Variants in PDE2A observed in about 807,000 individuals in gnomAD.
The protein encoded by PDE2A is phosphodiesterase 2A.
PDE2A carries 53 observed loss-of-function variants against 133.6 expected under a neutral mutation model. The observed-to-expected ratio is 0.40, with a 90% CI of 0.32 to 0.50. The LOEUF is 0.50. PDE2A is among the 20% of genes least tolerant of loss of function. The probability of loss-of-function intolerance (pLI) is 0.73; values close to 1 mark genes in which losing one functional copy is unlikely to be tolerated. For missense variants in PDE2A, 796 were observed against 1,232.4 expected (o/e 0.65, Z 5.30); for synonymous variants, 491 against 490.2 (o/e 1.00, Z -0.02).
At chr11:72,656,418 AG>A (rs1854903603) in intron 1 of PDE2A, among the ~76,000 whole-genome samples, 1 of 152,110 alleles carries the variant, frequency 6.6e-6, no homozygotes, top group Non-Finnish European at 1.5e-5. Flanking sequence ...ACTCAGCCAA[AG>A]GCTCCTGAGA....
At chr11:72,650,269 T>C (rs163692) in intron 1 of PDE2A, among the ~76,000 whole-genome samples, 117,486 of 151,908 alleles carry the variant, frequency 0.77, 46,012 homozygotes, top group Middle Eastern at 0.84. Flanking sequence ...GTGATCCATC[T>C]GCCTTGGCCT....
chr11:72,613,611 TCTC>T, intron 2 of PDE2A, among the ~76,000 whole-genome samples: 1 of 151,736 alleles, frequency 6.6e-6, no homozygotes, highest in South Asian at 2.1e-4. Flanking sequence ...TCTCATAGCT[TCTC>T]CTCCCACTCT....
chr11:72,579,153 G>T lies in PDE2A; in HGVS notation c.2356+131C>A, dbSNP rs149492914. ...AAGGGGCCAGTGCTGGGTCTGCCTG[G>T]GGGGGGCCGTGCAGCCAGAGAAGGG... On this transcript the variant is annotated intron_variant, in intron 27 of 30. Coordinates refer to ENST00000334456, the MANE Select transcript of PDE2A (RefSeq NM_002599.5). The T allele has an allele frequency of 1.8e-5, 17 of 945,912 alleles. No individual in the cohort carries two copies. In the African/African-American group the frequency reaches 1.9e-4, roughly 11 times the overall value. 58.6% of individuals were successfully genotyped at this position (945,912 alleles called of 1,614,324 possible). A position where few individuals can be genotyped will look rare whatever the true frequency, so the allele number is the denominator to read the frequency against.
chr11:72,650,885 AC>A (rs1265075386), intron 1 of PDE2A, among the ~76,000 whole-genome samples: 7 of 75,974 alleles, frequency 9.2e-5, no homozygotes, highest in Admixed American at 4.4e-4. Flanking sequence ...CTACACACAC[AC>A]ACACACACAC....
intron 2 of PDE2A, among the ~76,000 whole-genome samples, chr11:72,631,680 A>T (rs1321471894): frequency 6.6e-6 from 1 of 150,888 alleles, no homozygotes. Context: ...CTGGGATCAG[A>T]CCCCCGACCT....
Position 72,577,415 on chromosome 11 carries a change from A to AT in PDE2A, c.2794dup (p.Ile932AsnfsTer8), listed in dbSNP as rs1281265025. ...AGCATCAAGGCTGCAGCAGCCATTGATGGGGGCCCTAGTGCCATCCAGATC... is the reference window on the plus strand; with the variant it reads ...AGCATCAAGGCTGCAGCAGCCATTGATTGGGGGCCCTAGTGCCATCCAGATC... On this transcript the variant is annotated frameshift_variant, in exon 31 of 31. Coordinates refer to ENST00000334456, the MANE Select transcript of PDE2A (RefSeq NM_002599.5). LOFTEE classifies it high-confidence loss of function. The AT allele has an allele frequency of 6.2e-7, 1 of 1,613,828 alleles. No individual in the cohort carries two copies. Among genetic ancestry groups the AT allele is most frequent in the Non-Finnish European group, 8.5e-7 (1 of 1,179,958 alleles).
At chr11:72,658,231 C>T (rs1591136864) in intron 1 of PDE2A, 1 of 415,324 alleles carries the variant, frequency 2.4e-6, no homozygotes, top group Non-Finnish European at 4.9e-6. Context: ...GTTCTGGTCT[C>T]CCCCATCAGA....
chr11:72,585,690 T>G, intron 14 of PDE2A, 97 bp from the exon 15 acceptor site: 1 of 1,032,364 alleles, frequency 9.7e-7, no homozygotes. Flanking sequence ...TTCTCCTTCC[T>G]TCCCTAGGGC....
At position 72,578,115 on chromosome 11, in the gene PDE2A, G is replaced by T; in HGVS notation, c.2615+118C>A. The stretch of plus-strand genomic sequence containing the variant: ...GGAGACAGTTATGCCCAGAGGCAAG[G>T]GGATGAATCAGTTGGACCTGGGCCA... On this transcript the variant is annotated intron_variant, in intron 30 of 30. Coordinates refer to ENST00000334456, the MANE Select transcript of PDE2A (RefSeq NM_002599.5). The surrounding 1 kb of genome is among the most constrained non-coding windows in gnomAD (Gnocchi z 4.2). 1 of 723,902 alleles carries T rather than the reference G, an allele frequency of 1.4e-6. No individual in the cohort carries two copies. Among genetic ancestry groups the T allele is most frequent in the Non-Finnish European group, 2.5e-6 (1 of 400,810 alleles). 44.8% of individuals were successfully genotyped at this position (723,902 alleles called of 1,614,324 possible).
intron 3 of PDE2A, 125 bp from the exon 4 acceptor site, chr11:72,605,351 C>A: frequency 2.1e-6 from 1 of 468,422 alleles, no homozygotes; most frequent in Non-Finnish European, 3.8e-6. Flanking sequence ...TGGCAATGAT[C>A]TGTTTGTTTT....
At position 72,671,033 on chromosome 11, in the gene PDE2A, C is replaced by G. The variant is rs556718805; in HGVS notation, c.71+3104G>C. On this transcript the variant is annotated intron_variant, in intron 1 of 30. Transcript: ENST00000334456. Reference sequence around the variant, plus strand: ...TCAGGTGCCTAGCCCTGTGCCTTTCCTACCCACCTTCACAAACTGTTCCCT... The same window carrying G: ...TCAGGTGCCTAGCCCTGTGCCTTTCGTACCCACCTTCACAAACTGTTCCCT... Among the ~76,000 whole-genome samples the G allele has an allele frequency of 7.2e-5, 11 of 152,254 alleles. 2 individuals carry two copies. Among genetic ancestry groups the G allele is most frequent in the African/African-American group, 2.6e-4 (11 of 41,538 alleles).
At chr11:72,579,468 C>T in intron 26 of PDE2A, 66 bp downstream of exon 26, 2 of 1,558,962 alleles carry the variant, frequency 1.3e-6, no homozygotes, top group Non-Finnish European at 1.8e-6. Flanking sequence ...CTCCTTGGCT[C>T]CTTATCCCAC....
intron 18 of PDE2A, 108 bp downstream of exon 18, chr11:72,584,443 T>C: frequency 2.2e-6 from 3 of 1,369,886 alleles, no homozygotes; most frequent in South Asian, 2.5e-5. Flanking sequence ...CCGACTCCCT[T>C]ATGCTCCGGG....
chr11:72,605,324 C>A, intron 3 of PDE2A, 98 bp from the exon 4 acceptor site: 3 of 541,502 alleles, frequency 5.5e-6, no homozygotes, highest in Non-Finnish European at 6.4e-6. Flanking sequence ...GTCATGGAAC[C>A]TGTGGGAGTG....
chr11:72,643,057 G>T lies in PDE2A; in HGVS notation c.72-731C>A, dbSNP rs115831975. 1,059 of 153,876 alleles carry T rather than the reference G, an allele frequency of 6.9e-3. 19 individuals are homozygous for T. The highest frequency in any genetic ancestry group is 0.024 in the African/African-American group (989 of 41,616). 9.5% of individuals were successfully genotyped at this position (153,876 alleles called of 1,614,324 possible). A position where few individuals can be genotyped will look rare whatever the true frequency, so the allele number is the denominator to read the frequency against. Reference sequence around the variant, plus strand: ...AGGCCTGGGTGGGCAGGTCTCTGTCGCCGTCCCCGGAGCCGGAGAGGGTGC... The same window carrying T: ...AGGCCTGGGTGGGCAGGTCTCTGTCTCCGTCCCCGGAGCCGGAGAGGGTGC... On this transcript the variant is annotated intron_variant, in intron 1 of 30. Coordinates refer to ENST00000334456, the MANE Select transcript of PDE2A (RefSeq NM_002599.5).
chr11:72,665,491 G>A (rs533914292), intron 1 of PDE2A, among the ~76,000 whole-genome samples: 1 of 151,874 alleles, frequency 6.6e-6, no homozygotes, highest in South Asian at 2.1e-4. Context: ...GCTTCCAGGT[G>A]CACAGTCTAA....
At chr11:72,595,035 GACACACAC>G (rs34720227) in intron 6 of PDE2A, among the ~76,000 whole-genome samples, 37 of 148,754 alleles carry the variant, frequency 2.5e-4, no homozygotes, top group South Asian at 1.3e-3. Context: ...GCGTCCCTGA[GACACACAC>G]ACACACACAC....
At chr11:72,661,909 A>G (rs1352580934) in intron 1 of PDE2A, among the ~76,000 whole-genome samples, 1 of 152,006 alleles carries the variant, frequency 6.6e-6, no homozygotes, top group Non-Finnish European at 1.5e-5. Context: ...TTTTGGAATG[A>G]TCCTGTGTCT....
At chr11:72,584,806 TC>T in intron 17 of PDE2A, 65 bp downstream of exon 17, 1 of 1,609,394 alleles carries the variant, frequency 6.2e-7, no homozygotes. Context: ...CTCGGGCCGC[TC>T]CCCAGCGCCG....
Sources: allele counts gnomAD v4.1 joint callset (sites outside exome capture counted in the v4.1 genomes callset), GRCh38; gene constraint gnomAD v4.1.1; non-coding constraint Gnocchi (gnomAD v3.1); transcripts MANE v1.5; gene names NCBI Gene and HGNC (gene_info 2026-07-23, HGNC 2026-07-21).